NOXRED1: variants seen among roughly 807,000 people sequenced by gnomAD.
The protein encoded by NOXRED1 is NADP-dependent oxidoreductase domain-containing protein 1.
Under a neutral mutation model 30.4 loss-of-function variants are expected in NOXRED1, and 20 were observed. The observed-to-expected ratio is 0.66, with a 90% CI of 0.46 to 0.96. NOXRED1 has a LOEUF of 0.96. Among genes scored for constraint, NOXRED1 ranks in the 40% least tolerant of loss-of-function variants. The probability of loss-of-function intolerance (pLI) is 0.00; values close to 1 mark genes in which losing one functional copy is unlikely to be tolerated. For missense variants in NOXRED1, 374 were observed against 428.0 expected, an observed-to-expected ratio of 0.87 and a Z score of 1.11; for synonymous variants, 155 against 168.0, an observed-to-expected ratio of 0.92 and a Z score of 0.60.
upstream of NOXRED1, among the ~76,000 whole-genome samples, chr14:77,425,099 GC>G (rs1234201232): frequency 6.6e-6 from 1 of 152,164 alleles, no homozygotes; most frequent in Non-Finnish European, 1.5e-5. Flanking sequence ...AAGGTTTGAG[GC>G]TGTGAGAACT....
chr14:77,402,901 G>A (rs1310370715), intron 5 of NOXRED1, among the ~76,000 whole-genome samples: 1 of 151,726 alleles, frequency 6.6e-6, no homozygotes, highest in African/African-American at 2.4e-5. Context: ...CGGGTGTGGT[G>A]GTGCATGCCT....
Position 77,414,087 on chromosome 14 carries a change from T to A in NOXRED1, c.196A>T (p.Ile66Phe). 6.2e-7 allele frequency: 1 copy of A among 1,605,392 alleles called. No homozygotes were observed. The highest frequency in any genetic ancestry group is 8.5e-7 in the Non-Finnish European group (1 of 1,173,792). ...NKNQSSRHLS[I>F]GSLNSATPEE... Reference sequence around the variant, plus strand: ...GGAGTGGCTGAATTAAGGGAGCCAATTGAGAGATGTCTGGAACTTTGATTC... The same window carrying A: ...GGAGTGGCTGAATTAAGGGAGCCAAATGAGAGATGTCTGGAACTTTGATTC... Residue 66 changes from isoleucine to phenylalanine, a missense_variant, in exon 2 of 6, where the codon ATT becomes TTT. By Grantham distance (21) the Ile-to-Phe change is conservative. Transcript: ENST00000380835.
chr14:77,396,088 A>ACCTGCTCTCACCAGTCTTATACAGAATAG (rs1390755042), intron 5 of NOXRED1, among the ~76,000 whole-genome samples: 2 of 151,988 alleles, frequency 1.3e-5, no homozygotes, highest in African/African-American at 2.4e-5. Context: ...AGGCAAAGAT[A>ACCTGCTCTCACCAGTCTTATACAGAATAG]CCTGCTCTCA....
chr14:77,408,499 C>CA (rs1566709821), intron 2 of NOXRED1, among the ~76,000 whole-genome samples: 2 of 151,110 alleles, frequency 1.3e-5, no homozygotes, highest in Non-Finnish European at 3.0e-5. Flanking sequence ...GCTGCCCAGA[C>CA]TTTTTTTTTA....
At chr14:77,404,197 G>A (rs1183802318) in intron 5 of NOXRED1, among the ~76,000 whole-genome samples, 3 of 152,178 alleles carry the variant, frequency 2.0e-5, no homozygotes, top group Non-Finnish European at 4.4e-5. Flanking sequence ...AACAAGAGAT[G>A]TTTCCATGAC....
intron 2 of NOXRED1, among the ~76,000 whole-genome samples, chr14:77,411,485 A>C (rs1429722872): frequency 1.4e-5 from 2 of 138,438 alleles, no homozygotes; most frequent in South Asian, 4.5e-4. Flanking sequence ...AAAAAAAAAA[A>C]AAAAAACTTG....
chr14:77,422,028 T>G (rs1240682762), intron 1 of NOXRED1, among the ~76,000 whole-genome samples: 1 of 152,212 alleles, frequency 6.6e-6, no homozygotes, highest in Non-Finnish European at 1.5e-5. Context: ...CTTGGACATG[T>G]GCTGTATCTA....
intron 2 of NOXRED1, among the ~76,000 whole-genome samples, chr14:77,409,730 G>T (rs138399381): frequency 1.4e-3 from 210 of 151,658 alleles, no homozygotes; most frequent in African/African-American, 4.8e-3. Flanking sequence ...TAAATATATT[G>T]CTTTGCAAAG....
intron 5 of NOXRED1, among the ~76,000 whole-genome samples, chr14:77,403,899 C>T (rs1419204715): frequency 6.6e-6 from 1 of 152,106 alleles, no homozygotes; most frequent in African/African-American, 2.4e-5. Flanking sequence ...AGCAATGCCT[C>T]AAAATTCTCC....
intron 2 of NOXRED1, among the ~76,000 whole-genome samples, chr14:77,409,810 AT>A (rs111619657): frequency 0.031 from 4,361 of 141,164 alleles, 178 homozygotes; most frequent in African/African-American, 0.098. Context: ...ATACCTTGAG[AT>A]TTTTTTTTTT....
chr14:77,418,981 T>C (rs1894908796), intron 1 of NOXRED1, among the ~76,000 whole-genome samples: 1 of 152,196 alleles, frequency 6.6e-6, no homozygotes. Context: ...TCATTTCAAC[T>C]TAAGGATTCC....
intron 4 of NOXRED1, chr14:77,406,476 T>C: frequency 1.7e-6 from 1 of 601,734 alleles, no homozygotes; most frequent in East Asian, 2.8e-5. Flanking sequence ...CAACATTACA[T>C]CCTCCTATTG....
At chr14:77,410,844 G>A (rs1359526413) in intron 2 of NOXRED1, among the ~76,000 whole-genome samples, 2 of 152,122 alleles carry the variant, frequency 1.3e-5, no homozygotes. Context: ...TGACCTGTGT[G>A]TAGTGAAATG....
At chr14:77,406,167 A>G (rs1019768158) in intron 4 of NOXRED1, 32 bp from the exon 5 acceptor site, 1 of 1,475,768 alleles carries the variant, frequency 6.8e-7, no homozygotes, top group East Asian at 2.3e-5. Flanking sequence ...AATACCAGTT[A>G]GCACCACCAA....
At chr14:77,401,743 G>A (rs1894331775) in intron 5 of NOXRED1, among the ~76,000 whole-genome samples, 1 of 152,206 alleles carries the variant, frequency 6.6e-6, no homozygotes, top group Non-Finnish European at 1.5e-5. Flanking sequence ...ACTCAGTATT[G>A]AAATGGAAGA....
Position 77,422,926 on chromosome 14 carries a change from T to C in NOXRED1, c.-37A>G. On this transcript the variant is annotated 5_prime_UTR_variant, in exon 1 of 6. Transcript: ENST00000380835. Reference sequence around the variant, plus strand: ...TATTTCCTGCAGTGATAGACACTAATCAATTTGGCTCCCTGTCCCGGTAGA... The same window carrying C: ...TATTTCCTGCAGTGATAGACACTAACCAATTTGGCTCCCTGTCCCGGTAGA... 2.5e-6 allele frequency: 4 copies of C among 1,577,242 alleles called. No homozygotes were observed. In the South Asian group the frequency reaches 3.4e-5, roughly 14 times the overall value.
intron 2 of NOXRED1, among the ~76,000 whole-genome samples, chr14:77,410,113 T>C (rs957257087): frequency 5.9e-5 from 9 of 152,014 alleles, no homozygotes; most frequent in Admixed American, 5.9e-4. Flanking sequence ...GGTAAGATTT[T>C]TTTTTTAGTT....
At position 77,422,986 on chromosome 14, in the gene NOXRED1, TG is replaced by T; in HGVS notation, c.-98del. On this transcript the variant is annotated 5_prime_UTR_variant, in exon 1 of 6. An upstream open reading frame in the 5' UTR loses its in-frame stop. Transcript: ENST00000380835. ...TATGTAGGAGGTGTGTGTATGATGG[TG>T]TGTGTGCCCAGGTCACAAGCACTCA... is the stretch of plus-strand genomic sequence containing the variant. The T allele has an allele frequency of 2.0e-6, 2 of 991,610 alleles. No individual in the cohort carries two copies. The highest frequency in any genetic ancestry group is 3.0e-6 in the Non-Finnish European group (2 of 656,110). 61.4% of individuals were successfully genotyped at this position (991,610 alleles called of 1,614,324 possible).
chr14:77,396,786 A>G (rs1043826860), intron 5 of NOXRED1, among the ~76,000 whole-genome samples: 2 of 152,240 alleles, frequency 1.3e-5, no homozygotes, highest in Non-Finnish European at 2.9e-5. Context: ...GATGAAAGCA[A>G]AGAATATCTA....
Sources: allele counts gnomAD v4.1 joint callset (sites outside exome capture counted in the v4.1 genomes callset), GRCh38; gene constraint gnomAD v4.1.1; transcripts MANE v1.5; gene names NCBI Gene and HGNC (gene_info 2026-07-23, HGNC 2026-07-21).